CAPZB: variants seen among roughly 807,000 people sequenced by gnomAD.
CAPZB encodes the protein capping actin protein of muscle Z-line subunit beta.
CAPZB carries 2 observed loss-of-function variants against 38.1 expected under a neutral mutation model. That is an observed-to-expected ratio of 0.05 (90% CI 0.02 to 0.17). The LOEUF (loss-of-function observed/expected upper bound fraction) is 0.17. CAPZB is among the 10% of genes least tolerant of loss of function. The pLI is 1.00. For missense variants in CAPZB, 161 were observed against 334.2 expected, an observed-to-expected ratio of 0.48 and a Z score of 4.04; for synonymous variants, 107 against 127.4, an observed-to-expected ratio of 0.84 and a Z score of 1.08.
intron 1 of CAPZB, among the ~76,000 whole-genome samples, chr1:19,467,552 C>T (rs1454145223): frequency 6.6e-6 from 1 of 152,184 alleles, no homozygotes; most frequent in Non-Finnish European, 1.5e-5. Context: ...AGCCCAATCA[C>T]AGGGAGCAAA....
chr1:19,355,151 T>C (rs2100306331), intron 6 of CAPZB, among the ~76,000 whole-genome samples: 1 of 152,272 alleles, frequency 6.6e-6, no homozygotes, highest in African/African-American at 2.4e-5. Context: ...ATTTTTTCAA[T>C]GCATGTAGAT....
At chr1:19,387,167 G>A (rs898342937) in intron 2 of CAPZB, among the ~76,000 whole-genome samples, 15 of 152,174 alleles carry the variant, frequency 9.9e-5, no homozygotes, top group Admixed American at 2.0e-4. Flanking sequence ...AGTTGAGGCC[G>A]GGAGCCATAA....
intron 6 of CAPZB, among the ~76,000 whole-genome samples, chr1:19,351,148 G>A (rs214334): frequency 0.74 from 111,779 of 151,602 alleles, 41,520 homozygotes; most frequent in African/African-American, 0.83. Context: ...ACACCCAGCT[G>A]ATTTTTGTAT....
At chr1:19,415,538 A>G (rs2094375173) in intron 2 of CAPZB, among the ~76,000 whole-genome samples, 1 of 152,272 alleles carries the variant, frequency 6.6e-6, no homozygotes, top group Admixed American at 6.5e-5. Context: ...TGTCATTCCC[A>G]GAGAACACTG....
intron 1 of CAPZB, among the ~76,000 whole-genome samples, chr1:19,422,564 G>A (rs112655001): frequency 0.017 from 2,551 of 152,158 alleles, 32 homozygotes; most frequent in Non-Finnish European, 0.026. Context: ...GTGAATCCCC[G>A]TCTCTACTAA....
At position 19,458,462 on chromosome 1, in the gene CAPZB, C is replaced by T. The variant is rs543014553; in HGVS notation, c.3+26974G>A. ...CTCCACCTCCCGGGTTCAAGTGATT[C>T]TCCTGCCTCAGCCTCCCAAGTAGCT... is the stretch of plus-strand genomic sequence containing the variant. On this transcript the variant is annotated intron_variant, in intron 1 of 8. Coordinates refer to ENST00000264202, the MANE Select transcript of CAPZB (RefSeq NM_004930.5). Among the ~76,000 whole-genome samples the T allele has an allele frequency of 2.5e-4, 38 of 152,338 alleles. 1 individual carries two copies. Among genetic ancestry groups the T allele is most frequent in the African/African-American group, 8.7e-4 (36 of 41,572 alleles).
At chr1:19,477,229 C>G (rs1335296048) in intron 1 of CAPZB, among the ~76,000 whole-genome samples, 4 of 152,332 alleles carry the variant, frequency 2.6e-5, no homozygotes, top group Admixed American at 6.5e-5. Context: ...GTGCACTCCT[C>G]AAGACCAAGA....
At chr1:19,471,196 C>T (rs892938190) in intron 1 of CAPZB, among the ~76,000 whole-genome samples, 1 of 152,180 alleles carries the variant, frequency 6.6e-6, no homozygotes, top group East Asian at 1.9e-4. Flanking sequence ...CTTCAAAATA[C>T]TGGACTGGGG....
intron 2 of CAPZB, among the ~76,000 whole-genome samples, chr1:19,416,896 C>T (rs1028271907): frequency 5.5e-5 from 7 of 126,480 alleles, no homozygotes; most frequent in African/African-American, 2.4e-4. Context: ...AAAGTATGCT[C>T]TGACAGTAAT....
chr1:19,395,868 G>C (rs2094264552), intron 2 of CAPZB, among the ~76,000 whole-genome samples: 1 of 152,234 alleles, frequency 6.6e-6, no homozygotes, highest in South Asian at 2.1e-4. Flanking sequence ...AGAACTGCCT[G>C]CAGCCGGCCA....
chr1:19,431,415 T>C (rs1346316826), intron 1 of CAPZB, among the ~76,000 whole-genome samples: 2 of 152,164 alleles, frequency 1.3e-5, no homozygotes, highest in African/African-American at 2.4e-5. Context: ...AGAGTTGATT[T>C]TGGGCCGGGC....
intron 1 of CAPZB, among the ~76,000 whole-genome samples, chr1:19,437,522 A>G (rs2094462007): frequency 6.6e-6 from 1 of 152,208 alleles, no homozygotes; most frequent in Non-Finnish European, 1.5e-5. Context: ...TCTTGTCAAT[A>G]CAGAATGCTA....
intron 1 of CAPZB, among the ~76,000 whole-genome samples, chr1:19,474,635 T>G (rs2094600699): frequency 6.6e-6 from 1 of 152,124 alleles, no homozygotes; most frequent in South Asian, 2.1e-4. Flanking sequence ...ACGGGGCAGT[T>G]TACCAATGCA....
intron 8 of CAPZB, among the ~76,000 whole-genome samples, chr1:19,341,820 C>T (rs953644499): frequency 7.2e-5 from 11 of 152,220 alleles, no homozygotes; most frequent in African/African-American, 2.7e-4. Flanking sequence ...AGTCCCACGG[C>T]CTCGGAAAAG....
chr1:19,481,183 AT>A (rs1324541353), intron 1 of CAPZB, among the ~76,000 whole-genome samples: 1 of 152,220 alleles, frequency 6.6e-6, no homozygotes, highest in Non-Finnish European at 1.5e-5. Flanking sequence ...AGTGCATAGC[AT>A]GTGGCTGGTG....
chr1:19,351,793 G>T (rs1252820292), intron 6 of CAPZB, among the ~76,000 whole-genome samples: 1 of 151,960 alleles, frequency 6.6e-6, no homozygotes, highest in African/African-American at 2.4e-5. Context: ...CACAATCCAG[G>T]GCTCAGAAAA....
At chr1:19,469,648 G>A (rs16862800) in intron 1 of CAPZB, among the ~76,000 whole-genome samples, 12,358 of 151,386 alleles carry the variant, frequency 0.082, 637 homozygotes, top group Admixed American at 0.16. Flanking sequence ...CAAAGTGACC[G>A]GTTCAAGAAG....
intron 1 of CAPZB, among the ~76,000 whole-genome samples, chr1:19,442,346 G>T (rs746806055): frequency 6.6e-6 from 1 of 152,116 alleles, no homozygotes; most frequent in Non-Finnish European, 1.5e-5. Context: ...TGGGGAGTGG[G>T]GGGGCGTGGA....
At chr1:19,447,009 A>G (rs2094498169) in intron 1 of CAPZB, among the ~76,000 whole-genome samples, 1 of 152,138 alleles carries the variant, frequency 6.6e-6, no homozygotes, top group Admixed American at 6.5e-5. Context: ...TTCCAAACAA[A>G]AAATACTATT....
Sources: gnomAD v4.1 joint callset for allele counts (sites outside exome capture counted in the v4.1 genomes callset) on GRCh38, gnomAD v4.1.1 for gene constraint, MANE v1.5 for transcripts, NCBI Gene and HGNC (gene_info 2026-07-23, HGNC 2026-07-21) for gene names.